Variants in IREB2 observed in about 807,000 individuals in gnomAD.
IREB2 encodes the protein iron responsive element binding protein 2, also known as iron-responsive element-binding protein 2.
Under a neutral mutation model 118.8 loss-of-function variants are expected in IREB2, and 39 were observed. The observed-to-expected ratio is 0.33, with a 90% confidence interval of 0.25 to 0.43. The LOEUF (loss-of-function observed/expected upper bound fraction) is 0.43. Among genes scored for constraint, IREB2 ranks in the 20% least tolerant of loss-of-function variants. The pLI, the probability that IREB2 is intolerant of heterozygous loss-of-function variation, is 1.00. For missense variants in IREB2, 900 were observed against 1,147.3 expected (o/e 0.78, Z 3.11); for synonymous variants, 372 against 392.2 (o/e 0.95, Z 0.61).
rs1200743809 is a variant in IREB2, at chr15:78,488,895, TAGTA to T, written c.2076+128_2076+131del. 4 of 596,984 alleles carry T rather than the reference TAGTA, an allele frequency of 6.7e-6. No individual in the cohort carries two copies. The South Asian group carries it at 9.3e-5, about 14-fold the overall frequency. 37.0% of individuals were successfully genotyped at this position (596,984 alleles called of 1,614,324 possible). On this transcript the variant is annotated intron_variant, in intron 16 of 21. Coordinates refer to ENST00000258886, the MANE Select transcript of IREB2 (RefSeq NM_004136.4). ...TTTGAATACAGTTTTTAATGTGTAA[TAGTA>T]AGTTTGTATCTGGAATCTGTAGTTA...
intron 2 of IREB2, among the ~76,000 whole-genome samples, chr15:78,453,590 C>T (rs1396480920): frequency 2.0e-5 from 3 of 152,154 alleles, no homozygotes; most frequent in Non-Finnish European, 2.9e-5. Flanking sequence ...GGATGCAAAA[C>T]TCCTATAGAG....
intron 7 of IREB2, 113 bp from the exon 8 acceptor site, chr15:78,473,129 C>A: frequency 1.0e-6 from 1 of 982,406 alleles, no homozygotes; most frequent in Non-Finnish European, 1.5e-6. Context: ...AATATAGCAA[C>A]TCTGCAAAGT....
At chr15:78,480,816 T>C (rs2051556609) in intron 10 of IREB2, among the ~76,000 whole-genome samples, 1 of 151,608 alleles carries the variant, frequency 6.6e-6, no homozygotes, top group Admixed American at 6.6e-5. Flanking sequence ...CAGACCATCC[T>C]GGGTAACACG....
At chr15:78,478,928 G>T (rs902055753) in intron 10 of IREB2, among the ~76,000 whole-genome samples, 2 of 151,970 alleles carry the variant, frequency 1.3e-5, no homozygotes, top group East Asian at 1.9e-4. Flanking sequence ...GCTCAATAAG[G>T]GGTAGCTAAT....
intron 18 of IREB2, 31 bp from the exon 19 acceptor site, chr15:78,493,878 A>G (rs1336848408): frequency 1.3e-6 from 2 of 1,593,572 alleles, no homozygotes; most frequent in African/African-American, 2.7e-5. Flanking sequence ...TCCACATGTA[A>G]TGAAAACTGA....
chr15:78,445,242 A>T (rs1295402166), intron 2 of IREB2, among the ~76,000 whole-genome samples: 1 of 150,716 alleles, frequency 6.6e-6, no homozygotes, highest in Non-Finnish European at 1.5e-5. Flanking sequence ...GGTTCAAGTG[A>T]TTCTTCTGCC....
chr15:78,444,284 A>G (rs548330714), intron 2 of IREB2, among the ~76,000 whole-genome samples: 1 of 152,302 alleles, frequency 6.6e-6, no homozygotes, highest in South Asian at 2.1e-4. Flanking sequence ...TGTATGATGG[A>G]GGACAGTTAA....
intron 2 of IREB2, among the ~76,000 whole-genome samples, chr15:78,441,444 C>A (rs1341171827): frequency 2.0e-5 from 3 of 152,178 alleles, no homozygotes; most frequent in African/African-American, 7.2e-5. Flanking sequence ...CATTTTATTT[C>A]CCATTTACTT....
At position 78,501,221 on chromosome 15, in the gene IREB2, A is replaced by C. The variant is rs1223001240; in HGVS notation, c.*3078A>C. 1 of 152,482 alleles carries C rather than the reference A, an allele frequency of 6.6e-6. No homozygotes were observed. Among genetic ancestry groups the C allele is most frequent in the Non-Finnish European group, 1.5e-5 (1 of 68,032 alleles). 9.4% of individuals were successfully genotyped at this position (152,482 alleles called of 1,614,324 possible). A position where few individuals can be genotyped will look rare whatever the true frequency, so the allele number is the denominator to read the frequency against. On this transcript the variant is annotated 3_prime_UTR_variant, in exon 22 of 22. Transcript: ENST00000258886. Reference sequence around the variant, plus strand: ...TCAATTTTACACATAATATGTGGCTATGAAACCATATATCTCACTTAAGTA... The same window carrying C: ...TCAATTTTACACATAATATGTGGCTCTGAAACCATATATCTCACTTAAGTA...
chr15:78,490,541 A>G lies in IREB2; in HGVS notation c.2181+15A>G. On this transcript the variant is annotated intron_variant, in intron 17 of 21. Coordinates refer to ENST00000258886, the MANE Select transcript of IREB2 (RefSeq NM_004136.4). ...TTGATAAACTTGTAAGTACTGTTTT[A>G]CTATTTGATCTTTTAAAGATTGTTA... The G allele has an allele frequency of 6.2e-7, 1 of 1,602,070 alleles. No individual in the cohort carries two copies. The highest frequency in any genetic ancestry group is 8.5e-7 in the Non-Finnish European group (1 of 1,173,532).
intron 2 of IREB2, among the ~76,000 whole-genome samples, chr15:78,451,420 A>G (rs552992023): frequency 6.6e-6 from 1 of 152,134 alleles, no homozygotes; most frequent in South Asian, 2.1e-4. Flanking sequence ...CAAGCAACTG[A>G]TGTACTTTGT....
chr15:78,484,442 A>G (rs868058676), intron 11 of IREB2, among the ~76,000 whole-genome samples: 8 of 152,310 alleles, frequency 5.3e-5, no homozygotes, highest in Middle Eastern at 3.4e-3. Flanking sequence ...AATTTCTGCC[A>G]TCTCTTGAGA....
At chr15:78,460,104 C>G (rs2049960285) in intron 2 of IREB2, among the ~76,000 whole-genome samples, 1 of 152,144 alleles carries the variant, frequency 6.6e-6, no homozygotes, top group Non-Finnish European at 1.5e-5. Context: ...TTTGGTGATG[C>G]TAAGTGGGTA....
chr15:78,455,313 T>C (rs1351185956), intron 2 of IREB2, among the ~76,000 whole-genome samples: 1 of 152,056 alleles, frequency 6.6e-6, no homozygotes, highest in Non-Finnish European at 1.5e-5. Context: ...GATGGTATAG[T>C]TGGAGCACAA....
chr15:78,461,492 T>C (rs1399045037), intron 2 of IREB2, among the ~76,000 whole-genome samples: 2 of 152,224 alleles, frequency 1.3e-5, no homozygotes, highest in Non-Finnish European at 2.9e-5. Flanking sequence ...AAAAAAAGGA[T>C]GTTTAAAAAC....
At chr15:78,454,391 TA>T (rs2141462643) in intron 2 of IREB2, among the ~76,000 whole-genome samples, 1 of 152,306 alleles carries the variant, frequency 6.6e-6, no homozygotes, top group African/African-American at 2.4e-5. Context: ...GGATGAACTG[TA>T]AAAAGCAGGC....
In IREB2 at chr15:78,473,333, A is replaced by G. The variant is rs372692794; in HGVS notation, c.975A>G (p.Ser325=). Residue 325 remains serine, a synonymous_variant, in exon 8 of 22, where the codon TCA becomes TCG. Transcript: ENST00000258886. ...PEVVGCELTG[S]SNPFVTSIDV... ...TGGTTGGATGTGAGTTAACTGGGTC[A>G]TCAAACCCTTTTGTTACATCCATAG... is the stretch of plus-strand genomic sequence containing the variant. 6.3e-5 allele frequency: 102 copies of G among 1,613,898 alleles called. No homozygotes were observed. Among genetic ancestry groups the G allele is most frequent in the Non-Finnish European group, 8.5e-5 (100 of 1,179,898 alleles).
At chr15:78,450,625 G>A (rs1256551169) in intron 2 of IREB2, among the ~76,000 whole-genome samples, 1 of 152,216 alleles carries the variant, frequency 6.6e-6, no homozygotes, top group African/African-American at 2.4e-5. Flanking sequence ...CCATGTCGGG[G>A]CTTGTAGAAG....
Position 78,479,448 on chromosome 15 carries a change from G to A in IREB2, c.1296+1051G>A, listed in dbSNP as rs553345178. ...AGAGGATTTTGCCGTGTTGCTTAGG[G>A]TGGTCTTAAACTCCTGGCCTCAAGC... On this transcript the variant is annotated intron_variant, in intron 10 of 21. Transcript: ENST00000258886. 2.7e-5 allele frequency among the ~76,000 whole-genome samples: 4 copies of A among 149,910 alleles called. No homozygotes were observed. The South Asian group carries it at 8.4e-4, about 32-fold the overall frequency.
Sources: allele counts gnomAD v4.1 joint callset (sites outside exome capture counted in the v4.1 genomes callset), GRCh38; gene constraint gnomAD v4.1.1; transcripts MANE v1.5; gene names NCBI Gene and HGNC (gene_info 2026-07-23, HGNC 2026-07-21).